The following FAM13B variants were observed in gnomAD, a reference collection of about 807,000 sequenced individuals.
FAM13B encodes protein FAM13B.
FAM13B carries 60 observed loss-of-function variants against 117.3 expected under a neutral mutation model. That is an observed-to-expected ratio of 0.51 (90% confidence interval 0.42 to 0.63). FAM13B has a LOEUF of 0.63. Ranked by LOEUF, FAM13B falls within the 30% of genes least tolerant of loss-of-function variation. The pLI, the probability that FAM13B is intolerant of heterozygous loss-of-function variation, is 0.00. For synonymous variants in FAM13B, 332 were observed against 356.1 expected, an observed-to-expected ratio of 0.93 and a Z score of 0.76; for missense variants, 972 against 1,091.9, an observed-to-expected ratio of 0.89 and a Z score of 1.55.
At chr5:138,048,402 T>C (rs746201093) in intron 1 of FAM13B, among the ~76,000 whole-genome samples, 2 of 152,328 alleles carry the variant, frequency 1.3e-5, no homozygotes, top group African/African-American at 2.4e-5. Context: ...ACAGAACTTA[T>C]AGGTGTGACC....
intron 4 of FAM13B, among the ~76,000 whole-genome samples, chr5:138,015,215 A>G (rs1240575349): frequency 6.6e-6 from 1 of 152,182 alleles, no homozygotes; most frequent in African/African-American, 2.4e-5. Context: ...CCCAAAATCA[A>G]CAGTACCAAG....
At chr5:138,040,335 C>T (rs1184956917) in intron 1 of FAM13B, among the ~76,000 whole-genome samples, 6 of 148,654 alleles carry the variant, frequency 4.0e-5, no homozygotes, top group African/African-American at 9.9e-5. Flanking sequence ...TTTGGGAGGC[C>T]GAGGCGGGCC....
intron 1 of FAM13B, chr5:138,039,150 A>G (rs945679137): frequency 7.2e-5 from 11 of 152,250 alleles, no homozygotes; most frequent in African/African-American, 2.7e-4. Flanking sequence ...TTTCTTTATT[A>G]AATTCCTATA....
intron 4 of FAM13B, among the ~76,000 whole-genome samples, chr5:138,017,976 G>C (rs901724545): frequency 2.0e-5 from 3 of 152,132 alleles, no homozygotes; most frequent in African/African-American, 7.2e-5. Flanking sequence ...ATTGGACATT[G>C]TGCCACCACA....
At chr5:137,998,369 T>C (rs1445903574) in intron 7 of FAM13B, among the ~76,000 whole-genome samples, 1 of 152,234 alleles carries the variant, frequency 6.6e-6, no homozygotes, top group Non-Finnish European at 1.5e-5. Context: ...AAAACAATGA[T>C]TAATTTCATC....
intron 4 of FAM13B, among the ~76,000 whole-genome samples, chr5:138,018,099 A>G (rs186671629): frequency 6.6e-6 from 1 of 152,320 alleles, no homozygotes; most frequent in African/African-American, 2.4e-5. Flanking sequence ...AATAAAACCA[A>G]TCACAAAAAG....
At chr5:137,970,642 T>C (rs1412752340) in intron 10 of FAM13B, among the ~76,000 whole-genome samples, 3 of 151,958 alleles carry the variant, frequency 2.0e-5, no homozygotes, top group Non-Finnish European at 4.4e-5. Context: ...GGCTAAATGC[T>C]CCAATTAAAG....
chr5:137,960,148 CA>C lies in FAM13B; in HGVS notation c.1293+17del. The stretch of plus-strand genomic sequence containing the variant: ...CTAGGCAAGTTTTTAAAGACTAAGA[CA>C]AAAAAATAGTTCTTACCAGAATCAA... On this transcript the variant is annotated intron_variant, in intron 12 of 23. Coordinates refer to ENST00000689681, the MANE Select transcript of FAM13B (RefSeq NM_001385994.1). The C allele has an allele frequency of 4.1e-6, 6 of 1,480,558 alleles. No homozygotes were observed. Among genetic ancestry groups the C allele is most frequent in the Non-Finnish European group, 5.6e-6 (6 of 1,076,978 alleles). 91.7% of individuals were successfully genotyped at this position (1,480,558 alleles called of 1,614,324 possible).
intron 17 of FAM13B, among the ~76,000 whole-genome samples, chr5:137,952,381 A>C (rs1163754026): frequency 6.6e-6 from 1 of 152,184 alleles, no homozygotes. Flanking sequence ...GGTATCTTTC[A>C]AAAAGATATT....
intron 7 of FAM13B, among the ~76,000 whole-genome samples, chr5:137,990,507 T>TA (rs751621749): frequency 6.6e-6 from 1 of 152,242 alleles, no homozygotes; most frequent in Non-Finnish European, 1.5e-5. Context: ...TTGCCCTTGT[T>TA]AGTCATCTGC....
At chr5:138,007,283 T>C (rs1000331532) in intron 6 of FAM13B, 136 bp from the exon 7 acceptor site, 5 of 640,304 alleles carry the variant, frequency 7.8e-6, no homozygotes, top group Non-Finnish European at 9.9e-6. Context: ...ATCTCTCTTA[T>C]GGAGTAAGTA....
intron 10 of FAM13B, among the ~76,000 whole-genome samples, chr5:137,966,488 TAGAGAGAGAGAGAG>T (rs57142324): frequency 6.8e-5 from 2 of 29,484 alleles, no homozygotes; most frequent in African/African-American, 1.3e-4. Flanking sequence ...TATATATATA[TAGAGAGAGAGAGAG>T]AGAGAGAGAG....
intron 9 of FAM13B, 66 bp from the exon 10 acceptor site, chr5:137,985,455 TA>T: frequency 7.0e-7 from 1 of 1,427,560 alleles, no homozygotes; most frequent in Non-Finnish European, 9.6e-7. Context: ...TACTTTAAAA[TA>T]AGTAAATATC....
chr5:138,021,272 T>A lies in FAM13B; in HGVS notation c.-202-75A>T, dbSNP rs938873278. The A allele has an allele frequency of 9.1e-6, 10 of 1,104,314 alleles. No homozygotes were observed. In the African/African-American group the frequency reaches 1.5e-4, roughly 16 times the overall value. The allele number at this position is 1,104,314 out of a possible 1,614,324, so 68.4% of individuals were successfully genotyped here. ...AAGAGACTATTAATAGAAGCAGCAG[T>A]ACAGTCCTCTTAAGAGGTTACCTAT... On this transcript the variant is annotated intron_variant, in intron 1 of 23. Transcript: ENST00000689681.
chr5:137,968,219 CAA>C (rs61341338), intron 10 of FAM13B, among the ~76,000 whole-genome samples: 4 of 121,298 alleles, frequency 3.3e-5, no homozygotes, highest in Non-Finnish European at 1.7e-5. Context: ...AAGACTGTCT[CAA>C]AAAAAAAAAA....
chr5:137,970,399 C>G (rs1771714669), intron 10 of FAM13B, among the ~76,000 whole-genome samples: 1 of 151,918 alleles, frequency 6.6e-6, no homozygotes, highest in African/African-American at 2.4e-5. Context: ...ACTTTACAGA[C>G]AAGCAAATGC....
intron 10 of FAM13B, among the ~76,000 whole-genome samples, 158 bp from the exon 11 acceptor site, chr5:137,962,627 G>T (rs1447928791): frequency 6.6e-6 from 1 of 152,102 alleles, no homozygotes; most frequent in Non-Finnish European, 1.5e-5. Context: ...TCTTTTTACA[G>T]AGAGTAATTT....
intron 10 of FAM13B, among the ~76,000 whole-genome samples, chr5:137,975,762 T>A (rs1398899309): frequency 1.3e-5 from 2 of 152,084 alleles, no homozygotes; most frequent in Non-Finnish European, 2.9e-5. Context: ...CTGAATCACC[T>A]TTCTTCCATC....
At chr5:137,962,531 C>T in intron 10 of FAM13B, 62 bp from the exon 11 acceptor site, 1 of 1,475,808 alleles carries the variant, frequency 6.8e-7, no homozygotes, top group Non-Finnish European at 9.3e-7. Context: ...AGAGAAGTTG[C>T]CAATCTAAAT....
Sources: gnomAD v4.1 joint callset for allele counts (sites outside exome capture counted in the v4.1 genomes callset) on GRCh38, gnomAD v4.1.1 for gene constraint, MANE v1.5 for transcripts, NCBI Gene and HGNC (gene_info 2026-07-23, HGNC 2026-07-21) for gene names.